GRIK1: variants seen among roughly 807,000 people sequenced by gnomAD.
GRIK1 encodes the protein glutamate receptor ionotropic, kainate 1.
In GRIK1, 69 loss-of-function variants were observed where a neutral mutation model predicts 105.7. The ratio of observed to expected loss-of-function variants is 0.65; its 90% CI spans 0.54 to 0.80. GRIK1 has a LOEUF of 0.80. Among genes scored for constraint, GRIK1 ranks in the 30% least tolerant of loss-of-function variants. The pLI, the probability that GRIK1 is intolerant of heterozygous loss-of-function variation, is 0.00. For missense variants in GRIK1, 1,109 were observed against 1,167.3 expected (o/e 0.95, Z 0.73); for synonymous variants, 438 against 431.3 (o/e 1.02, Z -0.19).
intron 7 of GRIK1, chr21:29,630,622 G>A: frequency 2.1e-6 from 1 of 471,136 alleles, no homozygotes; most frequent in South Asian, 1.5e-5. Flanking sequence ...AACCTAGAAT[G>A]AGACTGCAGC....
At chr21:29,783,591 C>G (rs2066182303) in intron 1 of GRIK1, among the ~76,000 whole-genome samples, 1 of 152,066 alleles carries the variant, frequency 6.6e-6, no homozygotes, top group South Asian at 2.1e-4. Context: ...ATTTTTCAAT[C>G]CATATCAAAT....
intron 1 of GRIK1, among the ~76,000 whole-genome samples, chr21:29,888,235 T>G (rs906988600): frequency 1.0e-5 from 1 of 95,394 alleles, no homozygotes; most frequent in South Asian, 4.3e-4. Flanking sequence ...CTCTCTCTCC[T>G]TCCTTCCTTC....
intron 17 of GRIK1, 182 bp from the exon 18 acceptor site, chr21:29,537,567 A>G: frequency 1.5e-6 from 1 of 658,710 alleles, no homozygotes; most frequent in East Asian, 2.6e-5. Context: ...TAATCGGGGA[A>G]ACTGAGATGG....
chr21:29,831,121 G>A (rs2067624447), intron 1 of GRIK1, among the ~76,000 whole-genome samples: 1 of 152,154 alleles, frequency 6.6e-6, no homozygotes, highest in African/African-American at 2.4e-5. Flanking sequence ...GGATACTGAA[G>A]CAGTTTCGGT....
chr21:29,578,745 G>T (rs1457208466), intron 13 of GRIK1, among the ~76,000 whole-genome samples: 1 of 152,056 alleles, frequency 6.6e-6, no homozygotes, highest in Non-Finnish European at 1.5e-5. Context: ...GGTTTAATGG[G>T]ATTTATATGC....
chr21:29,776,001 G>T (rs750449015), intron 1 of GRIK1, among the ~76,000 whole-genome samples: 1 of 152,182 alleles, frequency 6.6e-6, no homozygotes, highest in Non-Finnish European at 1.5e-5. Flanking sequence ...CAATCATGGC[G>T]GAAGGTGAAG....
At chr21:29,842,964 G>C (rs527355482) in intron 1 of GRIK1, among the ~76,000 whole-genome samples, 1 of 152,058 alleles carries the variant, frequency 6.6e-6, no homozygotes, top group Non-Finnish European at 1.5e-5. Flanking sequence ...GGATATTTGA[G>C]TATGTTTCCT....
intron 1 of GRIK1, among the ~76,000 whole-genome samples, chr21:29,716,555 G>A (rs2146837740): frequency 6.6e-6 from 1 of 152,294 alleles, no homozygotes; most frequent in South Asian, 2.1e-4. Flanking sequence ...TGGAGATGCG[G>A]AACTTCTTGA....
chr21:29,846,429 TAAAG>T (rs764184487), intron 1 of GRIK1, among the ~76,000 whole-genome samples: 1 of 58,316 alleles, frequency 1.7e-5, no homozygotes, highest in African/African-American at 7.1e-5. Context: ...AAGAAAAAAA[TAAAG>T]AAGGAAAGAA....
At chr21:29,805,097 T>C (rs1347844024) in intron 1 of GRIK1, among the ~76,000 whole-genome samples, 1 of 152,050 alleles carries the variant, frequency 6.6e-6, no homozygotes, top group Non-Finnish European at 1.5e-5. Context: ...ATGAACTTCA[T>C]GGGAAGCTAA....
At chr21:29,578,448 G>A (rs997899350) in intron 13 of GRIK1, among the ~76,000 whole-genome samples, 1 of 152,186 alleles carries the variant, frequency 6.6e-6, no homozygotes, top group African/African-American at 2.4e-5. Flanking sequence ...ATAAACAGAT[G>A]CAAATACGGC....
At chr21:29,602,176 T>A (rs2146334139) in intron 7 of GRIK1, among the ~76,000 whole-genome samples, 1 of 152,310 alleles carries the variant, frequency 6.6e-6, no homozygotes, top group South Asian at 2.1e-4. Context: ...GCTTTAGCTC[T>A]GGAATTCTAC....
chr21:29,725,590 G>C (rs1470177343), intron 1 of GRIK1, among the ~76,000 whole-genome samples: 1 of 152,122 alleles, frequency 6.6e-6, no homozygotes, highest in Non-Finnish European at 1.5e-5. Context: ...ATACGACCAG[G>C]TGTAGCCATA....
chr21:29,826,448 G>A (rs2067460040), intron 1 of GRIK1, among the ~76,000 whole-genome samples: 1 of 152,086 alleles, frequency 6.6e-6, no homozygotes, highest in Admixed American at 6.6e-5. Flanking sequence ...TCTCTATAAA[G>A]TGGATGAACC....
chr21:29,552,961 CACGGTT>C (rs1203149496), intron 16 of GRIK1, among the ~76,000 whole-genome samples: 26 of 152,060 alleles, frequency 1.7e-4, no homozygotes, highest in Non-Finnish European at 2.9e-4. Context: ...TTCTGTGGAT[CACGGTT>C]TTTAAATCTT....
intron 7 of GRIK1, among the ~76,000 whole-genome samples, chr21:29,623,948 G>C (rs1172070582): frequency 6.6e-6 from 1 of 152,140 alleles, no homozygotes; most frequent in Non-Finnish European, 1.5e-5. Context: ...GACATAATGT[G>C]GATAATTGCC....
At chr21:29,846,490 A>AAAGAAAG (rs1219619496) in intron 1 of GRIK1, among the ~76,000 whole-genome samples, 1 of 151,618 alleles carries the variant, frequency 6.6e-6, no homozygotes, top group Non-Finnish European at 1.5e-5. Context: ...AGAAAGAAAG[A>AAAGAAAG]AAGAAAGAAA....
At chr21:29,867,931 AGAGAAAG>A (rs1265745490) in intron 1 of GRIK1, among the ~76,000 whole-genome samples, 2,001 of 137,978 alleles carry the variant, frequency 0.015, 61 homozygotes, top group African/African-American at 0.055. Flanking sequence ...AGAGAAAGAG[AGAGAAAG>A]AGAGAGAGAA....
chr21:29,881,207 GC>G (rs1331029307), intron 1 of GRIK1, among the ~76,000 whole-genome samples: 1 of 152,054 alleles, frequency 6.6e-6, no homozygotes, highest in Non-Finnish European at 1.5e-5. Context: ...TCTTAGTATA[GC>G]TTTGCCTTAT....
Sources: gnomAD v4.1 joint callset for allele counts (sites outside exome capture counted in the v4.1 genomes callset) on GRCh38, gnomAD v4.1.1 for gene constraint, MANE v1.5 for transcripts, NCBI Gene and HGNC (gene_info 2026-07-23, HGNC 2026-07-21) for gene names.